Variants in DEPDC5 observed in about 807,000 individuals in gnomAD.
DEPDC5 encodes the protein GATOR1 complex protein DEPDC5.
In DEPDC5, 73 loss-of-function variants were observed where a neutral mutation model predicts 217.3. The ratio of observed to expected loss-of-function variants is 0.34; its 90% confidence interval spans 0.28 to 0.41. The LOEUF (loss-of-function observed/expected upper bound fraction) is 0.41. Ranked by LOEUF, DEPDC5 falls within the 10% of genes least tolerant of loss-of-function variation. The pLI is 1.00. For synonymous variants in DEPDC5, 733 were observed against 756.7 expected (o/e 0.97, Z 0.51); for missense variants, 1,675 against 2,070.1 (o/e 0.81, Z 3.70).
chr22:31,766,688 G>C lies in DEPDC5; in HGVS notation c.363+20G>C. On this transcript the variant is annotated intron_variant, in intron 6 of 42. Coordinates refer to ENST00000651528, the MANE Select transcript of DEPDC5 (RefSeq NM_001242896.3). ...AGTTTGGTAAGATGTGATTTTTTTTGAAAGTCTGTTACTTTTTCCATTATG... is the reference window on the plus strand; with the variant it reads ...AGTTTGGTAAGATGTGATTTTTTTTCAAAGTCTGTTACTTTTTCCATTATG... 2 of 1,603,760 alleles carry C rather than the reference G, an allele frequency of 1.2e-6. No individual in the cohort carries two copies. The highest frequency in any genetic ancestry group is 1.7e-6 in the Non-Finnish European group (2 of 1,172,436).
At chr22:31,864,501 AAT>A (rs34148134) in intron 33 of DEPDC5, among the ~76,000 whole-genome samples, 1,720 of 123,066 alleles carry the variant, frequency 0.014, 94 homozygotes, top group East Asian at 0.11. Context: ...TCTTCATTAA[AAT>A]ATATATATAT....
intron 12 of DEPDC5, among the ~76,000 whole-genome samples, chr22:31,796,845 T>A (rs904742177): frequency 1.3e-5 from 2 of 151,842 alleles, no homozygotes; most frequent in Non-Finnish European, 2.9e-5. Context: ...TACAGGTGCC[T>A]GCCACCACAC....
intron 31 of DEPDC5, among the ~76,000 whole-genome samples, chr22:31,850,293 C>T (rs2091958857): frequency 6.6e-6 from 1 of 151,828 alleles, no homozygotes; most frequent in Admixed American, 6.6e-5. Flanking sequence ...GGATAATATA[C>T]TGTAGTACTC....
chr22:31,875,481 A>G (rs1227952136), intron 36 of DEPDC5: 1 of 152,170 alleles, frequency 6.6e-6, no homozygotes, highest in Non-Finnish European at 1.5e-5. Context: ...TTTAAGAATA[A>G]TATTACACTA....
At position 31,778,092 on chromosome 22, in the gene DEPDC5, C is replaced by T. The variant is rs773683388; in HGVS notation, c.414-7C>T. ...ACTTGTAATAACTTGTGTGTGTATT[C>T]TTTCAGAGCACAGGCTGGTGAACTG... On this transcript the variant is annotated splice_polypyrimidine_tract_variant and splice_region_variant and intron_variant, in intron 7 of 42. Transcript: ENST00000651528. 2 of 1,614,080 alleles carry T rather than the reference C, an allele frequency of 1.2e-6. No individual in the cohort carries two copies. Among genetic ancestry groups the T allele is most frequent in the Admixed American group, 1.7e-5 (1 of 60,012 alleles).
intron 19 of DEPDC5, among the ~76,000 whole-genome samples, chr22:31,810,237 A>G (rs921883612): frequency 5.3e-5 from 8 of 152,168 alleles, no homozygotes; most frequent in African/African-American, 7.2e-5. Flanking sequence ...AGGGTCACAA[A>G]AGGATGAAAT....
At chr22:31,860,323 G>A (rs1403747168) in intron 32 of DEPDC5, among the ~76,000 whole-genome samples, 1 of 152,188 alleles carries the variant, frequency 6.6e-6, no homozygotes, top group Non-Finnish European at 1.5e-5. Context: ...TTTCGTATTG[G>A]AGTTTGCAGT....
rs185849138 is a variant in DEPDC5 at position 31,868,579 on chromosome 22, A to G, written c.3331-2011A>G. Among the ~76,000 whole-genome samples, 669 of 152,214 alleles carry G rather than the reference A, an allele frequency of 4.4e-3. 1 individual carries two copies. Among genetic ancestry groups the G allele is most frequent in the African/African-American group, 0.014 (561 of 41,538 alleles). On this transcript the variant is annotated intron_variant, in intron 33 of 42. Coordinates refer to ENST00000651528, the MANE Select transcript of DEPDC5 (RefSeq NM_001242896.3). Reference sequence around the variant, plus strand: ...GTAGCTGGGACTACAGGCGTGTGCCACCACGCCTGGCTAATTTTTGCATTT... The same window carrying G: ...GTAGCTGGGACTACAGGCGTGTGCCGCCACGCCTGGCTAATTTTTGCATTT...
intron 24 of DEPDC5, among the ~76,000 whole-genome samples, chr22:31,829,819 T>G (rs2090455276): frequency 6.6e-6 from 1 of 152,184 alleles, no homozygotes; most frequent in Non-Finnish European, 1.5e-5. Flanking sequence ...TTGGTGTGAC[T>G]GGGCAGATAG....
At chr22:31,879,029 CA>C (rs1264327219) in intron 37 of DEPDC5, among the ~76,000 whole-genome samples, 29 of 68,144 alleles carry the variant, frequency 4.3e-4, no homozygotes, top group African/African-American at 1.0e-3. Flanking sequence ...GACTCCGTCT[CA>C]AAAAAAAAAA....
intron 7 of DEPDC5, among the ~76,000 whole-genome samples, chr22:31,771,992 G>A (rs1423979563): frequency 6.6e-6 from 1 of 151,974 alleles, no homozygotes; most frequent in Non-Finnish European, 1.5e-5. Flanking sequence ...CTAAATCCAG[G>A]GAGGTTCAAG....
Position 31,906,345 on chromosome 22 carries a change from C to G in DEPDC5, c.4660C>G (p.Leu1554Val). 1 of 1,614,086 alleles carries G rather than the reference C, an allele frequency of 6.2e-7. No individual in the cohort carries two copies. The highest frequency in any genetic ancestry group is 2.2e-5 in the East Asian group (1 of 44,890). Residue 1554 changes from leucine (L) to valine (V), a missense_variant, in exon 43 of 43, where the codon CTC becomes GTC. Leu to Val is a conservative substitution (Grantham distance 32). Around this residue, in one of 11 missense-constraint regions of DEPDC5, gnomAD observed 49 missense variants for 74.7 expected, o/e 0.66. Transcript: ENST00000651528. The surrounding 1 kb of genome is among the most constrained non-coding windows in gnomAD (Gnocchi z 5.1). ...CTACAACTGGGCCTACAACACCATG[C>G]TCACCAAAACATGGCGCTCCAGCGC... ...VGYNWAYNTM[L>V]TKTWRSSATG... is the part of the protein sequence containing the mutation.
chr22:31,874,678 A>G (rs572530465), intron 36 of DEPDC5, among the ~76,000 whole-genome samples: 24 of 152,214 alleles, frequency 1.6e-4, no homozygotes, highest in East Asian at 7.7e-4. Context: ...AAAAATCTCT[A>G]TGATTTTTGG....
intron 20 of DEPDC5, among the ~76,000 whole-genome samples, chr22:31,812,319 A>G (rs1474048887): frequency 6.8e-6 from 1 of 147,856 alleles, no homozygotes; most frequent in Non-Finnish European, 1.5e-5. Context: ...TTATGTTTAT[A>G]TTATTTATGT....
At chr22:31,758,441 TG>T in intron 2 of DEPDC5, 104 bp from the exon 3 acceptor site, 1 of 942,168 alleles carries the variant, frequency 1.1e-6, no homozygotes, top group Non-Finnish European at 1.7e-6. Flanking sequence ...CATCTGTCAA[TG>T]GGGTGGCAAT....
At chr22:31,761,885 T>C (rs1186287126) in intron 4 of DEPDC5, among the ~76,000 whole-genome samples, 1 of 151,120 alleles carries the variant, frequency 6.6e-6, no homozygotes, top group Non-Finnish European at 1.5e-5. Context: ...GGAGAATTAC[T>C]TGAACCCGGG....
chr22:31,785,789 C>T (rs978402614), intron 10 of DEPDC5, among the ~76,000 whole-genome samples: 1 of 152,094 alleles, frequency 6.6e-6, no homozygotes, highest in Non-Finnish European at 1.5e-5. Flanking sequence ...TTGAAACCAA[C>T]CCGTACATCT....
rs550593314 is a variant in DEPDC5, at chr22:31,840,172, TG to T, written c.2515+1331del. Among the ~76,000 whole-genome samples, 8 of 152,214 alleles carry T rather than the reference TG, an allele frequency of 5.3e-5. No homozygotes were observed. The East Asian group carries it at 1.4e-3, about 26-fold the overall frequency. ...CATGGGGCTGTCAGAACATTTAATA[TG>T]GGGCCCTATCTAATCTGGTGGGTCA... On this transcript the variant is annotated intron_variant, in intron 27 of 42. Coordinates refer to ENST00000651528, the MANE Select transcript of DEPDC5 (RefSeq NM_001242896.3).
At chr22:31,774,892 G>A (rs914537485) in intron 7 of DEPDC5, among the ~76,000 whole-genome samples, 9 of 151,986 alleles carry the variant, frequency 5.9e-5, no homozygotes, top group African/African-American at 1.7e-4. Flanking sequence ...AAGGTGCTAG[G>A]ATTACAGGCA....
Sources: allele counts gnomAD v4.1 joint callset (sites outside exome capture counted in the v4.1 genomes callset), GRCh38; gene constraint gnomAD v4.1.1; regional missense constraint gnomAD v4.1.1; non-coding constraint Gnocchi (gnomAD v3.1); transcripts MANE v1.5; gene names NCBI Gene and HGNC (gene_info 2026-07-23, HGNC 2026-07-21).